Variants in BICD1 observed in about 807,000 individuals in gnomAD.
The protein encoded by BICD1 is BICD cargo adaptor 1, also known as protein bicaudal D homolog 1.
BICD1 carries 35 observed loss-of-function variants against 92.5 expected under a neutral mutation model. The observed-to-expected ratio is 0.38, with a 90% CI of 0.29 to 0.50. The LOEUF is 0.50. BICD1 is among the 20% of genes least tolerant of loss of function. The pLI is 0.93. For synonymous variants in BICD1, 429 were observed against 465.1 expected, an observed-to-expected ratio of 0.92 and a Z score of 1.00; for missense variants, 950 against 1,189.8, an observed-to-expected ratio of 0.80 and a Z score of 2.97.
At position 32,219,559 on chromosome 12, in the gene BICD1, G is replaced by A. The variant is rs147933692; in HGVS notation, c.426+3100G>A. 4.3e-3 allele frequency among the ~76,000 whole-genome samples: 648 copies of A among 152,080 alleles called. 5 individuals carry two copies. The highest frequency in any genetic ancestry group is 0.015 in the African/African-American group (613 of 41,486). On this transcript the variant is annotated intron_variant, in intron 2 of 9. Coordinates refer to ENST00000652176, the MANE Select transcript of BICD1 (RefSeq NM_001714.4). ...TGCATACTCCAAAAATATCATTGAC[G>A]ATATGACTCATTATGTAGATCTATA...
Position 32,194,806 on chromosome 12 carries a change from C to T in BICD1, c.214-21441C>T, listed in dbSNP as rs150299951. 8.6e-3 allele frequency among the ~76,000 whole-genome samples: 1,302 copies of T among 152,116 alleles called. 27 individuals carry two copies. The highest frequency in any genetic ancestry group is 0.03 in the African/African-American group (1,257 of 41,514). ...GCTGAGGTAGGAGAATCGCTTGAAC[C>T]GGGAGGTGGACGTTGCGGTGAGCCG... On this transcript the variant is annotated intron_variant, in intron 1 of 9. Coordinates refer to ENST00000652176, the MANE Select transcript of BICD1 (RefSeq NM_001714.4).
intron 1 of BICD1, among the ~76,000 whole-genome samples, chr12:32,117,754 A>T (rs1039595228): frequency 0.012 from 1,275 of 106,076 alleles, 7 homozygotes; most frequent in South Asian, 0.029. Flanking sequence ...ATATATATAT[A>T]TATATTTTTT....
At chr12:32,267,086 T>C (rs955240967) in intron 2 of BICD1, among the ~76,000 whole-genome samples, 2 of 151,518 alleles carry the variant, frequency 1.3e-5, no homozygotes, top group African/African-American at 4.9e-5. Flanking sequence ...CACATCATTC[T>C]GTCTATCTCA....
intron 8 of BICD1, among the ~76,000 whole-genome samples, chr12:32,351,011 T>G (rs867772617): frequency 6.6e-6 from 1 of 152,158 alleles, no homozygotes; most frequent in Non-Finnish European, 1.5e-5. Context: ...TTCTCTTTTT[T>G]GGCATATAGA....
At chr12:32,336,415 T>A (rs1214169189) in intron 6 of BICD1, among the ~76,000 whole-genome samples, 1 of 152,220 alleles carries the variant, frequency 6.6e-6, no homozygotes, top group Non-Finnish European at 1.5e-5. Context: ...GTATGAAACC[T>A]TGTGAAATCT....
intron 1 of BICD1, among the ~76,000 whole-genome samples, chr12:32,205,851 T>C (rs760986176): frequency 1.1e-4 from 16 of 151,738 alleles, no homozygotes; most frequent in Non-Finnish European, 1.6e-4. Context: ...CATCCCTTCA[T>C]AATCCTCCAC....
chr12:32,276,068 G>A (rs1007641942), intron 2 of BICD1, among the ~76,000 whole-genome samples: 2 of 152,084 alleles, frequency 1.3e-5, no homozygotes, highest in East Asian at 1.9e-4. Flanking sequence ...TGGCGACCAT[G>A]AAGGGACCTC....
At chr12:32,377,468 G>A (rs1025395423) in intron 9 of BICD1, 72 bp from the exon 10 acceptor site, 27 of 1,198,494 alleles carry the variant, frequency 2.3e-5, no homozygotes, top group Non-Finnish European at 2.1e-5. Context: ...AAAATATCTC[G>A]TCTAACCCCT....
At chr12:32,171,438 T>G (rs764411027) in intron 1 of BICD1, among the ~76,000 whole-genome samples, 2 of 152,230 alleles carry the variant, frequency 1.3e-5, no homozygotes, top group Non-Finnish European at 2.9e-5. Context: ...GGTATTCTTA[T>G]GCAGAGCTAG....
chr12:32,220,902 T>TA (rs1278819338), intron 2 of BICD1, among the ~76,000 whole-genome samples: 2 of 143,824 alleles, frequency 1.4e-5, no homozygotes, highest in Non-Finnish European at 3.0e-5. Flanking sequence ...CACCATGGAA[T>TA]ACTATGCAGC....
intron 4 of BICD1, among the ~76,000 whole-genome samples, chr12:32,321,026 T>A (rs1948642741): frequency 6.6e-6 from 1 of 152,172 alleles, no homozygotes; most frequent in African/African-American, 2.4e-5. Flanking sequence ...TTCAGAGCAC[T>A]AAATCTAAAA....
intron 2 of BICD1, among the ~76,000 whole-genome samples, chr12:32,223,516 CAA>C (rs60536204): frequency 0.092 from 9,455 of 103,116 alleles, 299 homozygotes; most frequent in Middle Eastern, 0.16. Flanking sequence ...GACTTTGTCT[CAA>C]AAAAAAAAAA....
At chr12:32,147,870 G>A (rs1034627475) in intron 1 of BICD1, among the ~76,000 whole-genome samples, 12 of 152,114 alleles carry the variant, frequency 7.9e-5, no homozygotes, top group South Asian at 2.1e-4. Context: ...CAAGTGCTGT[G>A]GCACACGCCT....
chr12:32,134,234 G>T (rs571637198), intron 1 of BICD1, among the ~76,000 whole-genome samples: 3 of 152,292 alleles, frequency 2.0e-5, no homozygotes, highest in African/African-American at 7.2e-5. Flanking sequence ...AGCTCTCCCT[G>T]TGCCCTACCA....
intron 1 of BICD1, among the ~76,000 whole-genome samples, chr12:32,149,901 C>T (rs1463161470): frequency 6.6e-6 from 1 of 152,138 alleles, no homozygotes; most frequent in Non-Finnish European, 1.5e-5. Flanking sequence ...CGTATTCGTT[C>T]GTTCTCATGC....
Position 32,379,481 on chromosome 12 carries a change from A to G in BICD1, c.*1854A>G, listed in dbSNP as rs573564008. The G allele has an allele frequency of 6.6e-6, 1 of 152,236 alleles. No homozygotes were observed. Among genetic ancestry groups the G allele is most frequent in the South Asian group, 2.1e-4 (1 of 4,830 alleles). The allele number at this position is 152,236 out of a possible 1,614,324, so 9.4% of individuals were successfully genotyped here. ...AGAAACAGAAACAAAACGATTCGAC[A>G]TGAAGTTCCCAACCATAGCAGCCTA... is the stretch of plus-strand genomic sequence containing the variant. On this transcript the variant is annotated 3_prime_UTR_variant, in exon 10 of 10. Transcript: ENST00000652176.
At chr12:32,316,157 T>A (rs1175151931) in intron 4 of BICD1, among the ~76,000 whole-genome samples, 6 of 151,340 alleles carry the variant, frequency 4.0e-5, no homozygotes, top group Non-Finnish European at 8.8e-5. Context: ...AAAAAAAGGC[T>A]TTGAGTTAGA....
chr12:32,362,614 ACT>A (rs774374572), intron 8 of BICD1, among the ~76,000 whole-genome samples: 2 of 152,014 alleles, frequency 1.3e-5, no homozygotes, highest in Non-Finnish European at 2.9e-5. Flanking sequence ...TGTTTCTTTG[ACT>A]CTATGACCCT....
chr12:32,121,886 T>G (rs905383360), intron 1 of BICD1, among the ~76,000 whole-genome samples: 1 of 151,064 alleles, frequency 6.6e-6, no homozygotes, highest in Non-Finnish European at 1.5e-5. Context: ...CAATCTCGGC[T>G]CACTGCAGCT....
Sources: allele counts gnomAD v4.1 joint callset (sites outside exome capture counted in the v4.1 genomes callset), GRCh38; gene constraint gnomAD v4.1.1; transcripts MANE v1.5; gene names NCBI Gene and HGNC (gene_info 2026-07-23, HGNC 2026-07-21).